Variants in OR51B5 observed in about 807,000 individuals in gnomAD.
The protein encoded by OR51B5 is olfactory receptor 51B5.
For synonymous variants in OR51B5, 186 were observed against 144.8 expected (o/e 1.28, Z -2.04); for missense variants, 456 against 374.6 (o/e 1.22, Z -1.79).
intron 1 of OR51B5, among the ~76,000 whole-genome samples, chr11:5,459,039 A>G (rs564951596): frequency 2.6e-5 from 4 of 152,340 alleles, no homozygotes; most frequent in South Asian, 2.1e-4. Flanking sequence ...TCAGTTCTCA[A>G]AAGGAATGCT....
chr11:5,407,834 C>T (rs1850081802), intron 1 of OR51B5, among the ~76,000 whole-genome samples: 1 of 151,938 alleles, frequency 6.6e-6, no homozygotes, highest in African/African-American at 2.4e-5. Context: ...TTTTTAATTA[C>T]CATATATTTC....
intron 1 of OR51B5, among the ~76,000 whole-genome samples, chr11:5,366,087 G>C (rs892683842): frequency 2.6e-5 from 4 of 152,124 alleles, no homozygotes; most frequent in Non-Finnish European, 4.4e-5. Context: ...AGTTGCTGAG[G>C]GGTATGCTTA....
chr11:5,458,902 G>T (rs1430186644), intron 1 of OR51B5, among the ~76,000 whole-genome samples: 2 of 152,144 alleles, frequency 1.3e-5, no homozygotes, highest in Non-Finnish European at 2.9e-5. Context: ...TTTGAAAATA[G>T]GGATAGTTTA....
At chr11:5,385,471 T>C (rs1021487450) in intron 1 of OR51B5, 1 of 151,148 alleles carries the variant, frequency 6.6e-6, no homozygotes, top group Non-Finnish European at 1.5e-5. Flanking sequence ...GAGTACTTTA[T>C]TTATTCACCC....
intron 1 of OR51B5, among the ~76,000 whole-genome samples, chr11:5,474,987 A>G (rs745332992): frequency 3.3e-5 from 5 of 152,212 alleles, no homozygotes; most frequent in Non-Finnish European, 7.4e-5. Flanking sequence ...ATGGCCAGAT[A>G]AAAGGAGGAG....
At chr11:5,456,199 C>A (rs1312172671) in intron 1 of OR51B5, 1 of 152,178 alleles carries the variant, frequency 6.6e-6, no homozygotes, top group African/African-American at 2.4e-5. Flanking sequence ...TACTTAGAAA[C>A]CCAATGGTGT....
intron 1 of OR51B5, chr11:5,454,743 T>C (rs10838138): frequency 0.12 from 21,796 of 185,374 alleles, 1,413 homozygotes; most frequent in East Asian, 0.2. Context: ...TTAACAAACT[T>C]AGTCCTAAAA....
At chr11:5,468,817 G>A in intron 1 of OR51B5, 1 of 451,708 alleles carries the variant, frequency 2.2e-6, no homozygotes, top group Non-Finnish European at 4.5e-6. Context: ...CAATGAACAG[G>A]CCATACATGC....
chr11:5,387,501 C>T (rs1849714970), intron 1 of OR51B5, among the ~76,000 whole-genome samples: 1 of 152,180 alleles, frequency 6.6e-6, no homozygotes, highest in East Asian at 1.9e-4. Context: ...TATATCCATG[C>T]AGCACCTCTG....
intron 1 of OR51B5, among the ~76,000 whole-genome samples, chr11:5,471,943 G>C (rs1279223302): frequency 6.6e-6 from 1 of 152,152 alleles, no homozygotes; most frequent in African/African-American, 2.4e-5. Context: ...GTGATAAAGA[G>C]GGACATTGAG....
At chr11:5,502,599 G>C (rs1291048588) in intron 1 of OR51B5, among the ~76,000 whole-genome samples, 1 of 152,186 alleles carries the variant, frequency 6.6e-6, no homozygotes, top group East Asian at 1.9e-4. Context: ...TGTAATAGAA[G>C]TGAGAGAAGA....
intron 1 of OR51B5, among the ~76,000 whole-genome samples, chr11:5,351,310 A>C (rs1032949744): frequency 6.6e-6 from 1 of 152,218 alleles, no homozygotes; most frequent in Admixed American, 6.5e-5. Flanking sequence ...TAAACCCTAA[A>C]TAATATCTTC....
chr11:5,353,172 CATTTCCCTCA>C (rs1414652143), intron 1 of OR51B5, among the ~76,000 whole-genome samples: 1 of 152,006 alleles, frequency 6.6e-6, no homozygotes, highest in African/African-American at 2.4e-5. Flanking sequence ...GAGGGTAAAC[CATTTCCCTCA>C]ATTCAAAATG....
intron 1 of OR51B5, among the ~76,000 whole-genome samples, chr11:5,370,284 C>T (rs552410868): frequency 2.2e-4 from 34 of 152,180 alleles, no homozygotes; most frequent in Admixed American, 5.2e-4. Flanking sequence ...AAATAAGTGA[C>T]GATAGTATCT....
intron 1 of OR51B5, among the ~76,000 whole-genome samples, chr11:5,460,798 G>T (rs1220958691): frequency 6.6e-6 from 1 of 152,232 alleles, no homozygotes. Flanking sequence ...TGTGATATAA[G>T]TTTGGTTTAG....
At position 5,454,373 on chromosome 11, in the gene OR51B5, G is replaced by A. The variant is rs753220528; in HGVS notation, n.84+51196C>T. Reference sequence around the variant, plus strand: ...TCAACCCTCTCATTTATAGCGCCAAGACAAAGGAAATCCGCCGAGCCATTT... The same window carrying A: ...TCAACCCTCTCATTTATAGCGCCAAAACAAAGGAAATCCGCCGAGCCATTT... On this transcript the variant is annotated intron_variant and non_coding_transcript_variant, in intron 1 of 4. Coordinates refer to the OR51B5 transcript ENST00000415970. 37 of 1,612,926 alleles carry A rather than the reference G, an allele frequency of 2.3e-5. No individual in the cohort carries two copies. In the Admixed American group the frequency reaches 4.7e-4, roughly 20 times the overall value.
chr11:5,402,451 TAAG>T, intron 1 of OR51B5: 1 of 354,682 alleles, frequency 2.8e-6, no homozygotes, highest in Non-Finnish European at 5.6e-6. Context: ...TTTTTAGAAA[TAAG>T]AAGTTTGGCC....
chr11:5,413,049 C>A (rs1176195010), intron 1 of OR51B5, among the ~76,000 whole-genome samples: 1 of 152,076 alleles, frequency 6.6e-6, no homozygotes, highest in Non-Finnish European at 1.5e-5. Context: ...GTAGGGCAGA[C>A]TGACACCTCA....
intron 1 of OR51B5, among the ~76,000 whole-genome samples, chr11:5,379,316 T>TG (rs1002017255): frequency 7.7e-4 from 117 of 151,582 alleles, no homozygotes; most frequent in African/African-American, 2.6e-3. Context: ...TGTTGTGGGG[T>TG]GGGGGTGCAG....
Sources: allele counts gnomAD v4.1 joint callset (sites outside exome capture counted in the v4.1 genomes callset), GRCh38; gene constraint gnomAD v4.1.1; transcripts MANE v1.5; gene names NCBI Gene and HGNC (gene_info 2026-07-23, HGNC 2026-07-21).